Variants in IL6ST observed in about 807,000 individuals in gnomAD.
IL6ST encodes the protein interleukin-6 receptor subunit beta.
A neutral mutation model predicts 91.3 loss-of-function variants in IL6ST; 24 were observed. The observed-to-expected ratio is 0.26, with a 90% CI of 0.19 to 0.37. The LOEUF is 0.37. Among genes scored for constraint, IL6ST ranks in the 10% least tolerant of loss-of-function variants. The pLI is 1.00. For missense variants in IL6ST, 914 were observed against 1,078.5 expected (o/e 0.85, Z 2.14); for synonymous variants, 351 against 373.6 (o/e 0.94, Z 0.70).
Position 55,956,161 on chromosome 5 carries a change from T to C in IL6ST, c.1131A>G (p.Leu377=), listed in dbSNP as rs1751955107. The C allele has an allele frequency of 3.1e-6, 5 of 1,612,906 alleles. No individual in the cohort carries two copies. Among genetic ancestry groups the C allele is most frequent in the Middle Eastern group, 3.3e-4 (2 of 6,054 alleles). Residue 377 remains leucine, a synonymous_variant, in exon 10 of 17, where the codon TTA becomes TTG. Transcript: ENST00000381298. ...TTGTGGCATTAACTGTGTAATTTTG[T>C]AAATGTGATTTCCATCTTGTGAGAG... The part of the protein sequence containing the change: ...EVTLTRWKSH[L]QNYTVNATKL...
intron 1 of IL6ST, among the ~76,000 whole-genome samples, chr5:55,989,774 C>T (rs190937961): frequency 4.8e-4 from 73 of 152,206 alleles, no homozygotes; most frequent in Middle Eastern, 3.4e-3. Flanking sequence ...GGGCCAGGAG[C>T]GCCCAGTCTT....
At position 55,939,242 on chromosome 5, in the gene IL6ST, A is replaced by G; in HGVS notation, c.*1840T>C. 4.7e-6 allele frequency: 1 copy of G among 214,120 alleles called. No homozygotes were observed. Among genetic ancestry groups the G allele is most frequent in the East Asian group, 7.0e-5 (1 of 14,364 alleles). 13.3% of individuals were successfully genotyped at this position (214,120 alleles called of 1,614,324 possible). A position where few individuals can be genotyped will look rare whatever the true frequency, so the allele number is the denominator to read the frequency against. ...GTTGTGTAAATTTGGGTCTATCCCT[A>G]CCTTTACTTCTCTGTGCCTGATTTT... On this transcript the variant is annotated 3_prime_UTR_variant, in exon 17 of 17. Transcript: ENST00000381298.
In IL6ST at chr5:55,983,309, C is replaced by G. The variant is rs192359714; in HGVS notation, c.-103-498G>C. ...CCCTAGTGCTATGATTTGATATACG[C>G]TTGCAAACATTATTGGCTCACCCAC... On this transcript the variant is annotated intron_variant, in intron 1 of 16. Coordinates refer to ENST00000381298, the MANE Select transcript of IL6ST (RefSeq NM_002184.4). Among the ~76,000 whole-genome samples, 377 of 152,276 alleles carry G rather than the reference C, an allele frequency of 2.5e-3. 2 individuals carry two copies. The highest frequency in any genetic ancestry group is 8.4e-3 in the African/African-American group (348 of 41,554).
rs979843907 is a variant in IL6ST at position 55,944,617 on chromosome 5, T to G, written c.1938-1866A>C. The G allele has an allele frequency of 2.1e-5, 14 of 663,296 alleles. No individual in the cohort carries two copies. The Admixed American group carries it at 2.9e-4, about 14-fold the overall frequency. The allele number at this position is 663,296 out of a possible 1,614,324, so 41.1% of individuals were successfully genotyped here. On this transcript the variant is annotated intron_variant, in intron 15 of 16. Transcript: ENST00000381298. ...CAGTAGCGTTAAGACTGCAGTTCTCTCTCGGCCTTAGCGCCATTTTTTTGG... is the reference window on the plus strand; with the variant it reads ...CAGTAGCGTTAAGACTGCAGTTCTCGCTCGGCCTTAGCGCCATTTTTTTGG...
Position 55,950,535 on chromosome 5 carries a change from CAAAAAAAAAAAAAAAA to C in IL6ST, c.1840+913_1840+928del, listed in dbSNP as rs70995750. On this transcript the variant is annotated intron_variant, in intron 14 of 16. Coordinates refer to ENST00000381298, the MANE Select transcript of IL6ST (RefSeq NM_002184.4). ...TGGGTGACAGAGCGAGACTCTGTCTCAAAAAAAAAAAAAAAAAAAAAAAAAGCAAAAAAAGGAGAAG... is the reference window on the plus strand; with the variant it reads ...TGGGTGACAGAGCGAGACTCTGTCTCAAAAAAAAAGCAAAAAAAGGAGAAG... Among the ~76,000 whole-genome samples the C allele has an allele frequency of 0.046, 1,351 of 29,448 alleles. 60 individuals are homozygous for C. In the Middle Eastern group the frequency reaches 0.5, roughly 11 times the overall value. The allele number at this position is 29,448 out of a possible 152,430, so 19.3% of individuals were successfully genotyped here.
At chr5:55,976,699 G>A (rs764455577) in intron 2 of IL6ST, among the ~76,000 whole-genome samples, 5 of 152,064 alleles carry the variant, frequency 3.3e-5, no homozygotes, top group East Asian at 1.9e-4. Flanking sequence ...AAATTTTCCC[G>A]ATATATAAAG....
At position 55,969,672 on chromosome 5, in the gene IL6ST, T is replaced by C; in HGVS notation, c.248A>G (p.Asn83Ser). ...TIPKEQYTII[N>S]RTASSVTFTD... Reference sequence around the variant, plus strand: ...AAAGGTGACACTGGATGCTGTTCTGTTTATGATAGTATATTGCTCCTTAGG... The same window carrying C: ...AAAGGTGACACTGGATGCTGTTCTGCTTATGATAGTATATTGCTCCTTAGG... Residue 83 changes from asparagine (N) to serine (S), a missense_variant, in exon 4 of 17, where the codon AAC (asparagine) becomes AGC (serine). By Grantham distance (46) the Asn-to-Ser change is conservative (BLOSUM62 1). Transcript: ENST00000381298. The C allele has an allele frequency of 6.2e-7, 1 of 1,612,494 alleles. No homozygotes were observed. Among genetic ancestry groups the C allele is most frequent in the Non-Finnish European group, 8.5e-7 (1 of 1,178,616 alleles).
intron 2 of IL6ST, among the ~76,000 whole-genome samples, chr5:55,980,288 G>A (rs766938211): frequency 1.3e-5 from 2 of 152,148 alleles, no homozygotes; most frequent in East Asian, 1.9e-4. Flanking sequence ...AGTGGCTCAC[G>A]CCTGTAATCC....
chr5:55,974,160 T>C (rs1753131535), intron 3 of IL6ST, among the ~76,000 whole-genome samples: 1 of 152,186 alleles, frequency 6.6e-6, no homozygotes, highest in Non-Finnish European at 1.5e-5. Flanking sequence ...TAAGTATGAG[T>C]GCCACTGTAG....
intron 15 of IL6ST, among the ~76,000 whole-genome samples, chr5:55,946,334 G>A (rs1751248708): frequency 6.6e-6 from 1 of 152,186 alleles, no homozygotes; most frequent in African/African-American, 2.4e-5. Flanking sequence ...CTTACCATAT[G>A]ACCCAGCACT....
In IL6ST at chr5:55,947,577, A is replaced by G; in HGVS notation, c.1853T>C (p.Ile618Thr). The change falls in exon 15 of 17, where the codon ATT becomes ACT. Residue 618 changes from isoleucine (I) to threonine (T), a missense_variant. By Grantham distance (89) the Ile-to-Thr change is moderately conservative. Coordinates refer to ENST00000381298, the MANE Select transcript of IL6ST (RefSeq NM_002184.4). ...GCAAACAGGCACGACTATGGCTTCAATTTCTCCTTGAGCTTAAAAAAAAAA... is the reference window on the plus strand; with the variant it reads ...GCAAACAGGCACGACTATGGCTTCAGTTTCTCCTTGAGCTTAAAAAAAAAA... ...FTTPKFAQGE[I>T]EAIVVPVCLA... 2.8e-6 allele frequency: 3 copies of G among 1,064,918 alleles called. No homozygotes were observed. Among genetic ancestry groups the G allele is most frequent in the Non-Finnish European group, 4.1e-6 (3 of 731,474 alleles). The allele number at this position is 1,064,918 out of a possible 1,614,324, so 66.0% of individuals were successfully genotyped here. A position where few individuals can be genotyped will look rare whatever the true frequency, so the allele number is the denominator to read the frequency against.
chr5:55,981,600 GCCATTGCACT>G lies in IL6ST; in HGVS notation c.-16+1114_-16+1123del, dbSNP rs763167075. ...GGAGGTTGCAGCGAGCCAAGATCGT[GCCATTGCACT>G]CCAGCCTGGGTGACAGAGCGAGACT... On this transcript the variant is annotated intron_variant, in intron 2 of 16. Coordinates refer to ENST00000381298, the MANE Select transcript of IL6ST (RefSeq NM_002184.4). 2.3e-4 allele frequency among the ~76,000 whole-genome samples: 35 copies of G among 152,072 alleles called. 1 individual carries two copies. The Middle Eastern group carries it at 0.017, about 74-fold the overall frequency.
At chr5:55,942,784 C>A in intron 15 of IL6ST, 33 bp from the exon 16 acceptor site, 1 of 1,166,430 alleles carries the variant, frequency 8.6e-7, no homozygotes, top group Non-Finnish European at 1.3e-6. Flanking sequence ...CTATGTAAAA[C>A]CACACATAAT....
chr5:55,994,030 T>C (rs2111967931), intron 1 of IL6ST: 1 of 131,686 alleles, frequency 7.6e-6, no homozygotes, highest in Non-Finnish European at 1.6e-5. Flanking sequence ...TAAGCCAAAA[T>C]GCGTTTCCTT....
chr5:55,949,969 G>A (rs1156954740), intron 14 of IL6ST, among the ~76,000 whole-genome samples: 1 of 152,254 alleles, frequency 6.6e-6, no homozygotes, highest in East Asian at 1.9e-4. Flanking sequence ...AGAAGAGCCA[G>A]ATGATGAGGT....
At chr5:55,985,923 G>A (rs1015589905) in intron 1 of IL6ST, among the ~76,000 whole-genome samples, 4 of 152,104 alleles carry the variant, frequency 2.6e-5, no homozygotes, top group Admixed American at 2.6e-4. Flanking sequence ...AACAAACAGG[G>A]GTGGCTGTGT....
chr5:55,951,549 G>A lies in IL6ST; in HGVS notation c.1755C>T (p.Asp585=). 1 of 1,611,010 alleles carries A rather than the reference G, an allele frequency of 6.2e-7. No individual in the cohort carries two copies. The highest frequency in any genetic ancestry group is 8.5e-7 in the Non-Finnish European group (1 of 1,177,256). ...CTGCCATTCGTACCATGTACAATGT[G>A]TCACTAGTCAAAGAGGACAATGTAT... ...TEYTLSSLTS[D]TLYMVRMAAY... The change falls in exon 14 of 17, where the codon GAC becomes GAT. Residue 585 remains aspartate, a synonymous_variant. Coordinates refer to ENST00000381298, the MANE Select transcript of IL6ST (RefSeq NM_002184.4).
At chr5:55,953,036 G>A (rs1751738084) in intron 11 of IL6ST, among the ~76,000 whole-genome samples, 1 of 152,042 alleles carries the variant, frequency 6.6e-6, no homozygotes, top group African/African-American at 2.4e-5. Flanking sequence ...ACTCCAGCCT[G>A]GGCGACAGAG....
chr5:55,959,649 G>A (rs1452621995), intron 8 of IL6ST: 11 of 1,296,710 alleles, frequency 8.5e-6, no homozygotes, highest in East Asian at 4.8e-5. Flanking sequence ...AGGATCAACC[G>A]CTTCCCAGGG....
Sources: allele counts gnomAD v4.1 joint callset (sites outside exome capture counted in the v4.1 genomes callset), GRCh38; gene constraint gnomAD v4.1.1; transcripts MANE v1.5; gene names NCBI Gene and HGNC (gene_info 2026-07-23, HGNC 2026-07-21).